Variants in DAB1 observed in about 807,000 individuals in gnomAD.
DAB1 encodes the protein DAB adaptor protein 1, also known as disabled homolog 1.
Under a neutral mutation model 64.6 loss-of-function variants are expected in DAB1, and 15 were observed. That is an observed-to-expected ratio of 0.23 (90% CI 0.16 to 0.36). The LOEUF is 0.36. DAB1 is among the 10% of genes least tolerant of loss of function. The pLI, the probability that DAB1 is intolerant of heterozygous loss-of-function variation, is 1.00. For synonymous variants in DAB1, 235 were observed against 251.9 expected (o/e 0.93, Z 0.64); for missense variants, 596 against 706.7 (o/e 0.84, Z 1.78).
chr1:58,441,908 T>C (rs1388845619), intron 3 of DAB1, among the ~76,000 whole-genome samples: 1 of 151,698 alleles, frequency 6.6e-6, no homozygotes, highest in Non-Finnish European at 1.5e-5. Context: ...CCAGAGAGAG[T>C]AATTGAGGGC....
At chr1:58,322,459 C>T (rs141364896) in intron 4 of DAB1, among the ~76,000 whole-genome samples, 16 of 152,184 alleles carry the variant, frequency 1.1e-4, no homozygotes, top group South Asian at 2.1e-4. Context: ...CAAAAGAAGA[C>T]ATCTGTGCAG....
intron 3 of DAB1, among the ~76,000 whole-genome samples, chr1:58,361,120 G>A (rs1166346376): frequency 6.6e-6 from 1 of 152,224 alleles, no homozygotes; most frequent in African/African-American, 2.4e-5. Context: ...AAGCCCTGGT[G>A]TGTACCACGA....
chr1:57,975,989 C>A (rs1445011494), intron 5 of DAB1, among the ~76,000 whole-genome samples: 1 of 152,222 alleles, frequency 6.6e-6, no homozygotes, highest in Non-Finnish European at 1.5e-5. Flanking sequence ...GACTTCTTTG[C>A]TCCAGTTGGG....
chr1:58,536,045 C>CA (rs1646511368), intron 1 of DAB1, among the ~76,000 whole-genome samples: 1 of 151,784 alleles, frequency 6.6e-6, no homozygotes, highest in African/African-American at 2.4e-5. Flanking sequence ...GAAAGACAAT[C>CA]AAAAAAATAA....
At chr1:57,198,540 CT>C (rs1664816943) in intron 2 of DAB1, among the ~76,000 whole-genome samples, 1 of 151,982 alleles carries the variant, frequency 6.6e-6, no homozygotes, top group South Asian at 2.1e-4. Context: ...ATCACCAAAC[CT>C]TTTCCCTTTG....
chr1:58,274,628 T>C (rs1661389192), intron 4 of DAB1, among the ~76,000 whole-genome samples: 1 of 151,760 alleles, frequency 6.6e-6, no homozygotes, highest in East Asian at 2.0e-4. Flanking sequence ...TGCAGTTTGA[T>C]CTCAGACTTC....
intron 7 of DAB1, among the ~76,000 whole-genome samples, chr1:57,446,182 T>C (rs1686129060): frequency 1.3e-5 from 2 of 152,240 alleles, no homozygotes; most frequent in Admixed American, 1.3e-4. Context: ...TTTTTGTCAT[T>C]ATGTCCTTAA....
chr1:57,458,823 G>A (rs1366371586), intron 7 of DAB1, among the ~76,000 whole-genome samples: 1 of 151,990 alleles, frequency 6.6e-6, no homozygotes, highest in Non-Finnish European at 1.5e-5. Flanking sequence ...TTAAAATTTA[G>A]AGAGTGCAAT....
At chr1:58,372,918 T>C (rs1012764816) in intron 3 of DAB1, among the ~76,000 whole-genome samples, 8 of 152,150 alleles carry the variant, frequency 5.3e-5, no homozygotes, top group African/African-American at 1.7e-4. Flanking sequence ...CTTTTCTTTA[T>C]AAATTATCCA....
intron 2 of DAB1, among the ~76,000 whole-genome samples, chr1:57,256,333 A>T (rs1207981060): frequency 1.3e-5 from 2 of 152,182 alleles, no homozygotes; most frequent in Non-Finnish European, 2.9e-5. Context: ...ATTTATCTAA[A>T]TCCCAGAGTA....
intron 3 of DAB1, among the ~76,000 whole-genome samples, chr1:57,142,267 T>C (rs1035606226): frequency 6.6e-6 from 1 of 152,116 alleles, no homozygotes; most frequent in African/African-American, 2.4e-5. Context: ...GAAACAGAAT[T>C]TTTTATTTCT....
chr1:58,223,981 T>C (rs1441083517), intron 4 of DAB1, among the ~76,000 whole-genome samples: 1 of 152,210 alleles, frequency 6.6e-6, no homozygotes, highest in Admixed American at 6.5e-5. Context: ...TCCTCCTGTC[T>C]CCTGCGTTCT....
At chr1:57,186,100 T>C (rs1388566403) in intron 2 of DAB1, among the ~76,000 whole-genome samples, 4 of 152,270 alleles carry the variant, frequency 2.6e-5, no homozygotes, top group South Asian at 4.2e-4. Flanking sequence ...TCCCTGCAGG[T>C]TGGGCCCAGG....
intron 1 of DAB1, among the ~76,000 whole-genome samples, chr1:57,412,087 T>C (rs1431156906): frequency 6.6e-6 from 1 of 152,080 alleles, no homozygotes; most frequent in East Asian, 1.9e-4. Context: ...TGATTTGTGA[T>C]AAGTGAACTT....
At chr1:57,145,600 T>A (rs1028139344) in intron 2 of DAB1, among the ~76,000 whole-genome samples, 171 bp from the exon 3 acceptor site, 4 of 152,180 alleles carry the variant, frequency 2.6e-5, no homozygotes, top group African/African-American at 4.8e-5. Flanking sequence ...TCTGACTCCA[T>A]CCATTTAAGT....
chr1:57,879,031 T>C (rs1644100436), intron 1 of DAB1, among the ~76,000 whole-genome samples: 1 of 152,198 alleles, frequency 6.6e-6, no homozygotes, highest in South Asian at 2.1e-4. Flanking sequence ...TTGAATACTA[T>C]TCCATTTTGT....
intron 2 of DAB1, among the ~76,000 whole-genome samples, chr1:57,214,516 T>C (rs188729324): frequency 1.3e-5 from 2 of 152,286 alleles, no homozygotes; most frequent in Admixed American, 1.3e-4. Flanking sequence ...CCATCCAGAA[T>C]AGTCACAATG....
chr1:57,380,916 T>A (rs1321616988), intron 1 of DAB1, among the ~76,000 whole-genome samples: 1 of 152,172 alleles, frequency 6.6e-6, no homozygotes, highest in African/African-American at 2.4e-5. Flanking sequence ...GTTGATTACA[T>A]TTGAAATGTA....
intron 4 of DAB1, among the ~76,000 whole-genome samples, chr1:58,203,905 G>T (rs1658124279): frequency 6.6e-6 from 1 of 152,090 alleles, no homozygotes; most frequent in Admixed American, 6.6e-5. Flanking sequence ...ATAGTTTATT[G>T]AACAAATAGC....
Sources: allele counts gnomAD v4.1 joint callset (sites outside exome capture counted in the v4.1 genomes callset), GRCh38; gene constraint gnomAD v4.1.1; transcripts MANE v1.5; gene names NCBI Gene and HGNC (gene_info 2026-07-23, HGNC 2026-07-21).